The following NTNG1 variants were observed in gnomAD, a reference collection of about 807,000 sequenced individuals.
NTNG1 encodes netrin-G1.
A neutral mutation model predicts 54.0 loss-of-function variants in NTNG1; 16 were observed. The ratio of observed to expected loss-of-function variants is 0.30; its 90% CI spans 0.20 to 0.45. The LOEUF (loss-of-function observed/expected upper bound fraction) is 0.45, where lower values mean the gene tolerates loss of function less well. NTNG1 is among the 20% of genes least tolerant of loss of function. The probability of loss-of-function intolerance (pLI) is 1.00; values close to 1 mark genes in which losing one functional copy is unlikely to be tolerated. For synonymous variants in NTNG1, 255 were observed against 263.1 expected (o/e 0.97, Z 0.30); for missense variants, 530 against 678.7 (o/e 0.78, Z 2.43).
intron 2 of NTNG1, among the ~76,000 whole-genome samples, chr1:107,298,351 G>A (rs766775383): frequency 5.9e-5 from 9 of 151,936 alleles, no homozygotes; most frequent in East Asian, 1.9e-4. Context: ...ACCTTTTTTC[G>A]AAGTTCTCAT....
intron 3 of NTNG1, among the ~76,000 whole-genome samples, chr1:107,370,526 C>T (rs755152919): frequency 4.0e-5 from 6 of 151,742 alleles, no homozygotes; most frequent in Admixed American, 6.6e-5. Flanking sequence ...TACTTTCCAC[C>T]GAGTCCCCAA....
intron 2 of NTNG1, among the ~76,000 whole-genome samples, chr1:107,156,327 C>T (rs1654995949): frequency 1.3e-5 from 2 of 151,992 alleles, no homozygotes; most frequent in African/African-American, 4.8e-5. Flanking sequence ...TTTCTGTAGA[C>T]TATATATGAG....
intron 3 of NTNG1, among the ~76,000 whole-genome samples, chr1:107,349,348 AT>A (rs905641837): frequency 1.1e-4 from 16 of 151,974 alleles, no homozygotes; most frequent in African/African-American, 1.4e-4. Flanking sequence ...TTTATTTTAA[AT>A]TTTTTTTCTA....
At chr1:107,397,820 T>C (rs1210352480) in intron 4 of NTNG1, among the ~76,000 whole-genome samples, 1 of 151,976 alleles carries the variant, frequency 6.6e-6, no homozygotes, top group African/African-American at 2.4e-5. Flanking sequence ...TCGACTCCAA[T>C]TCTTATGTGC....
At chr1:107,218,532 A>T (rs559432949) in intron 2 of NTNG1, among the ~76,000 whole-genome samples, 1 of 152,018 alleles carries the variant, frequency 6.6e-6, no homozygotes, top group African/African-American at 2.4e-5. Flanking sequence ...TTTTCATTGC[A>T]TAGTTGTTTT....
intron 2 of NTNG1, among the ~76,000 whole-genome samples, chr1:107,186,608 G>A (rs1208854992): frequency 6.6e-6 from 1 of 152,078 alleles, no homozygotes; most frequent in Non-Finnish European, 1.5e-5. Context: ...TTAAAGTAAA[G>A]TACTAACTCT....
chr1:107,172,380 A>G (rs1656316276), intron 2 of NTNG1, among the ~76,000 whole-genome samples: 1 of 152,150 alleles, frequency 6.6e-6, no homozygotes, highest in African/African-American at 2.4e-5. Context: ...AGACTTTTAT[A>G]TGTGTTCATT....
intron 2 of NTNG1, among the ~76,000 whole-genome samples, chr1:107,302,960 G>A (rs1054468413): frequency 5.3e-5 from 8 of 152,076 alleles, no homozygotes; most frequent in Non-Finnish European, 1.2e-4. Context: ...TAGGCTATTC[G>A]CCACTCAATA....
At chr1:107,390,026 T>C (rs1214359600) in intron 3 of NTNG1, among the ~76,000 whole-genome samples, 3 of 152,174 alleles carry the variant, frequency 2.0e-5, no homozygotes, top group Non-Finnish European at 2.9e-5. Context: ...GAAATGTTTT[T>C]GTTTTTTTGT....
At chr1:107,301,172 C>G (rs1666289274) in intron 2 of NTNG1, among the ~76,000 whole-genome samples, 1 of 151,970 alleles carries the variant, frequency 6.6e-6, no homozygotes, top group South Asian at 2.1e-4. Flanking sequence ...CAATAACAAT[C>G]CTATGTAATG....
At chr1:107,357,117 G>A (rs1669979018) in intron 3 of NTNG1, among the ~76,000 whole-genome samples, 2 of 152,150 alleles carry the variant, frequency 1.3e-5, no homozygotes, top group Non-Finnish European at 2.9e-5. Flanking sequence ...ATTTTTAAAT[G>A]CATTCACTGC....
At chr1:107,421,962 G>A (rs1674600187) in intron 5 of NTNG1, among the ~76,000 whole-genome samples, 1 of 151,878 alleles carries the variant, frequency 6.6e-6, no homozygotes, top group Non-Finnish European at 1.5e-5. Context: ...TGACCCATTT[G>A]GTGAAAATGA....
chr1:107,263,425 CTCTT>C (rs1490869656), intron 2 of NTNG1, among the ~76,000 whole-genome samples: 2 of 151,214 alleles, frequency 1.3e-5, no homozygotes, highest in African/African-American at 4.9e-5. Flanking sequence ...ACATTTTATA[CTCTT>C]TCTATTTAGG....
At chr1:107,292,690 A>G (rs534832787) in intron 2 of NTNG1, among the ~76,000 whole-genome samples, 13 of 152,168 alleles carry the variant, frequency 8.5e-5, no homozygotes, top group Admixed American at 6.5e-4. Flanking sequence ...TTGGTAAGGG[A>G]AGAATGCCTC....
intron 2 of NTNG1, among the ~76,000 whole-genome samples, chr1:107,315,563 C>T (rs1270014263): frequency 6.6e-6 from 1 of 152,120 alleles, no homozygotes; most frequent in African/African-American, 2.4e-5. Context: ...TGTATCAGTT[C>T]CGTGAAACCC....
At position 107,381,908 on chromosome 1, in the gene NTNG1, T is replaced by C. The variant is rs574743792; in HGVS notation, c.888-13246T>C. Among the ~76,000 whole-genome samples the C allele has an allele frequency of 1.2e-4, 19 of 152,304 alleles. No individual in the cohort carries two copies. In the East Asian group the frequency reaches 3.7e-3, roughly 29 times the overall value. Reference sequence around the variant, plus strand: ...AATGATGACCAGTTCCAAGTTTACCTTCTATCAGGTTGGCAGTATTGTAAT... The same window carrying C: ...AATGATGACCAGTTCCAAGTTTACCCTCTATCAGGTTGGCAGTATTGTAAT... On this transcript the variant is annotated intron_variant, in intron 3 of 7. Coordinates refer to ENST00000370068, the MANE Select transcript of NTNG1 (RefSeq NM_001113226.3).
At chr1:107,254,437 G>A (rs1200749762) in intron 2 of NTNG1, among the ~76,000 whole-genome samples, 2 of 152,166 alleles carry the variant, frequency 1.3e-5, no homozygotes, top group South Asian at 2.1e-4. Context: ...AGTAGCAGCC[G>A]CATGAGGACT....
At chr1:107,322,709 C>T (rs767278381) in intron 2 of NTNG1, among the ~76,000 whole-genome samples, 18 of 152,064 alleles carry the variant, frequency 1.2e-4, no homozygotes, top group East Asian at 1.9e-4. Context: ...GTGCCACAGA[C>T]GCTGGGATCA....
chr1:107,296,577 A>C lies in NTNG1; in HGVS notation c.247-27705A>C, dbSNP rs146365465. 7.9e-4 allele frequency among the ~76,000 whole-genome samples: 117 copies of C among 148,892 alleles called. No homozygotes were observed. In the East Asian group the frequency reaches 0.022, roughly 28 times the overall value. On this transcript the variant is annotated intron_variant, in intron 2 of 7. Coordinates refer to ENST00000370068, the MANE Select transcript of NTNG1 (RefSeq NM_001113226.3). ...TATAATATAAATATATACTACACAT[A>C]ATTATAAATATATGAAATCGATGTT...
Sources: allele counts gnomAD v4.1 joint callset (sites outside exome capture counted in the v4.1 genomes callset), GRCh38; gene constraint gnomAD v4.1.1; transcripts MANE v1.5; gene names NCBI Gene and HGNC (gene_info 2026-07-23, HGNC 2026-07-21).